MYH15: variants seen among roughly 807,000 people sequenced by gnomAD.
MYH15 encodes the protein myosin-15.
In MYH15, 227 loss-of-function variants were observed where a neutral mutation model predicts 240.5. That is an observed-to-expected ratio of 0.94 (90% confidence interval 0.85 to 1.05). The LOEUF is 1.05. Among genes scored for constraint, MYH15 ranks in the 50% least tolerant of loss-of-function variants. The probability of loss-of-function intolerance (pLI) is 0.00; values close to 1 mark genes in which losing one functional copy is unlikely to be tolerated. For synonymous variants in MYH15, 785 were observed against 796.7 expected, an observed-to-expected ratio of 0.99 and a Z score of 0.25; for missense variants, 2,217 against 2,247.5, an observed-to-expected ratio of 0.99 and a Z score of 0.27.
chr3:108,500,789 G>T (rs2083430807), intron 3 of MYH15, among the ~76,000 whole-genome samples: 1 of 152,174 alleles, frequency 6.6e-6, no homozygotes, highest in African/African-American at 2.4e-5. Flanking sequence ...GTAATTACAG[G>T]TTAAGGGTCT....
In MYH15 at chr3:108,492,515, G is replaced by A; in HGVS notation, c.856C>T (p.Gln286Ter). ...CTACACTTACCATGAAGCTCTTTTT[G>A]TCCAGATAGAATTTGATAGAATATG... is the stretch of plus-strand genomic sequence containing the variant. ...YHIFYQILSG[Q>*]KELHDLLLVS... Residue 286 changes from glutamine (Q) to a stop codon, truncating the protein, a stop_gained, in exon 9 of 41, where the codon CAA (glutamine) becomes TAA (stop). Coordinates refer to ENST00000693548, the MANE Select transcript of MYH15 (RefSeq NM_014981.3). LOFTEE classifies it high-confidence loss of function. The A allele has an allele frequency of 1.2e-6, 2 of 1,611,448 alleles. No homozygotes were observed. The highest frequency in any genetic ancestry group is 1.1e-5 in the South Asian group (1 of 90,796).
chr3:108,398,736 C>G lies in MYH15; in HGVS notation c.5034G>C (p.Glu1678Asp). Reference protein sequence around the residue: ...RRNSLLQSELEDLRSLQEQTE... With the variant: ...RRNSLLQSELDDLRSLQEQTE... ...TCTGCTCTTGCAGGGACCTTAGATC[C>G]TCTAGTTCAGACTGAAGAAGAGAGT... Residue 1678 changes from glutamate to aspartate, a missense_variant, in exon 35 of 41, where the codon GAG becomes GAC. Glu to Asp is a conservative substitution (Grantham distance 45, BLOSUM62 2). Transcript: ENST00000693548. The G allele has an allele frequency of 6.2e-7, 1 of 1,614,202 alleles. No homozygotes were observed. The highest frequency in any genetic ancestry group is 1.1e-5 in the South Asian group (1 of 91,082).
In MYH15 at chr3:108,507,244, T is replaced by C. The variant is rs375000110; in HGVS notation, c.89-1415A>G. ...GAAAATGAATATATATATATATATA[T>C]ATATATATATATATATATATATATA... On this transcript the variant is annotated intron_variant, in intron 1 of 40. Transcript: ENST00000693548. Among the ~76,000 whole-genome samples the C allele has an allele frequency of 1.2e-3, 77 of 64,888 alleles. 2 individuals carry two copies. The East Asian group carries it at 0.014, about 12-fold the overall frequency. 42.6% of individuals were successfully genotyped at this position (64,888 alleles called of 152,430 possible). A position where few individuals can be genotyped will look rare whatever the true frequency, so the allele number is the denominator to read the frequency against.
rs765078755 is a variant in MYH15 at position 108,403,168 on chromosome 3, C to A, written c.4736+2170G>T. On this transcript the variant is annotated intron_variant, in intron 33 of 40. Transcript: ENST00000693548. ...TACCAGCTGCTTGTACTTTTCACCC[C>A]CAACAGGCCTCCAGGCTGGGCTCAT... 3.3e-5 allele frequency among the ~76,000 whole-genome samples: 5 copies of A among 152,150 alleles called. No homozygotes were observed. In the South Asian group the frequency reaches 6.2e-4, roughly 19 times the overall value.
At chr3:108,405,850 C>G (rs1367033104) in intron 32 of MYH15, among the ~76,000 whole-genome samples, 1 of 152,134 alleles carries the variant, frequency 6.6e-6, no homozygotes. Context: ...TACCTGGAAT[C>G]TTCTATTAAA....
the MYH15 span, among the ~76,000 whole-genome samples, chr3:108,536,274 A>G: frequency 6.6e-6 from 1 of 152,168 alleles, no homozygotes; most frequent in African/African-American, 2.4e-5. Context: ...CAAAAAAACA[A>G]AACAAAACAA....
At chr3:108,466,628 T>C (rs1175855155) in intron 14 of MYH15, among the ~76,000 whole-genome samples, 1 of 152,184 alleles carries the variant, frequency 6.6e-6, no homozygotes, top group East Asian at 1.9e-4. Context: ...ACGGGTTTCA[T>C]TTCTCTATCA....
chr3:108,492,392 A>C lies in MYH15; in HGVS notation c.871+108T>G, dbSNP rs545757294. The C allele has an allele frequency of 4.0e-3, 2,388 of 598,572 alleles. 11 individuals are homozygous for C. The highest frequency in any genetic ancestry group is 4.7e-3 in the Non-Finnish European group (1,655 of 351,810). The allele number at this position is 598,572 out of a possible 1,614,324, so 37.1% of individuals were successfully genotyped here. A position where few individuals can be genotyped will look rare whatever the true frequency, so the allele number is the denominator to read the frequency against. On this transcript the variant is annotated intron_variant, in intron 9 of 40. Coordinates refer to ENST00000693548, the MANE Select transcript of MYH15 (RefSeq NM_014981.3). The stretch of plus-strand genomic sequence containing the variant: ...CTAAGTTTTAAGGATGAATATACTG[A>C]GGTCTAAATAGGCTAAGAAACTTAC...
intron 36 of MYH15, 90 bp downstream of exon 36, chr3:108,393,941 A>C: frequency 6.4e-7 from 1 of 1,559,672 alleles, no homozygotes; most frequent in Non-Finnish European, 8.8e-7. Flanking sequence ...TCAATGGAAT[A>C]CTTTTTGGCT....
chr3:108,449,674 C>CA (rs1394349253), intron 21 of MYH15, among the ~76,000 whole-genome samples: 1 of 151,716 alleles, frequency 6.6e-6, no homozygotes, highest in Admixed American at 6.6e-5. Flanking sequence ...TTGGTTTTGG[C>CA]AAATTTTTTT....
rs570359637 is a variant in MYH15 at position 108,427,635 on chromosome 3, C to CACAGAG, written c.3702+856_3702+857insCTCTGT. Among the ~76,000 whole-genome samples, 112 of 146,694 alleles carry CACAGAG rather than the reference C, an allele frequency of 7.6e-4. 3 individuals are homozygous for CACAGAG. In the South Asian group the frequency reaches 0.01, roughly 13 times the overall value. On this transcript the variant is annotated intron_variant, in intron 27 of 40. Coordinates refer to ENST00000693548, the MANE Select transcript of MYH15 (RefSeq NM_014981.3). ...CACACACAACACACACACACACACA[C>CACAGAG]AGAGAGAGAGAGAGAGAGAGAAAGA... is the stretch of plus-strand genomic sequence containing the variant.
chr3:108,540,491 A>G, the MYH15 span, among the ~76,000 whole-genome samples: 298 of 152,346 alleles, frequency 2.0e-3, no homozygotes, highest in African/African-American at 6.1e-3. Flanking sequence ...TAGTTACTGA[A>G]GCACAAACTA....
At chr3:108,397,045 C>T (rs193151247) in intron 35 of MYH15, among the ~76,000 whole-genome samples, 1 of 152,246 alleles carries the variant, frequency 6.6e-6, no homozygotes, top group Admixed American at 6.5e-5. Context: ...TTCTAAATGC[C>T]CCAGAGTGTA....
chr3:108,402,846 A>G (rs2082516524), intron 33 of MYH15, among the ~76,000 whole-genome samples: 1 of 152,180 alleles, frequency 6.6e-6, no homozygotes, highest in East Asian at 1.9e-4. Flanking sequence ...GTAGGGCTTG[A>G]CTAACATGGC....
At position 108,383,740 on chromosome 3, in the gene MYH15, A is replaced by AAAC. The variant is rs1560300909; in HGVS notation, c.5632-12_5632-11insGTT. 1.3e-5 allele frequency: 10 copies of AAAC among 771,590 alleles called. No individual in the cohort carries two copies. The highest frequency in any genetic ancestry group is 1.6e-5 in the Non-Finnish European group (9 of 567,702). The allele number at this position is 771,590 out of a possible 1,614,324, so 47.8% of individuals were successfully genotyped here. ...ATTGGCTTGTGTTTCCTATAAAAAT[A>AAAC]AAAAAAAAAAAAAAGAAATCTCCAT... On this transcript the variant is annotated splice_polypyrimidine_tract_variant and intron_variant, in intron 39 of 40. Transcript: ENST00000693548.
At chr3:108,387,925 G>A (rs1358470470) in intron 38 of MYH15, among the ~76,000 whole-genome samples, 1 of 152,218 alleles carries the variant, frequency 6.6e-6, no homozygotes, top group Admixed American at 6.5e-5. Context: ...CTGCTGCAAG[G>A]GAAGAAGACT....
In MYH15 at chr3:108,499,452, T is replaced by G; in HGVS notation, c.524+3A>C. On this transcript the variant is annotated splice_donor_region_variant and intron_variant, in intron 5 of 40. Transcript: ENST00000693548. ...AAAAAAGAAAAACAAGGCAAACACT[T>G]ACGTGAAGAGTATAGACTGATTTTC... 6.2e-7 allele frequency: 1 copy of G among 1,613,138 alleles called. No homozygotes were observed. Among genetic ancestry groups the G allele is most frequent in the South Asian group, 1.1e-5 (1 of 90,722 alleles).
At chr3:108,459,948 A>C (rs1195605704) in intron 17 of MYH15, among the ~76,000 whole-genome samples, 2 of 152,182 alleles carry the variant, frequency 1.3e-5, no homozygotes, top group Non-Finnish European at 2.9e-5. Context: ...GAATGCACCA[A>C]TTGCAGCATA....
intron 27 of MYH15, among the ~76,000 whole-genome samples, chr3:108,427,819 T>C (rs2082738395): frequency 6.6e-6 from 1 of 152,238 alleles, no homozygotes; most frequent in Admixed American, 6.5e-5. Context: ...CTTTCCCAGA[T>C]GACTTTATAA....
Sources: gnomAD v4.1 joint callset for allele counts (sites outside exome capture counted in the v4.1 genomes callset) on GRCh38, gnomAD v4.1.1 for gene constraint, MANE v1.5 for transcripts, NCBI Gene and HGNC (gene_info 2026-07-23, HGNC 2026-07-21) for gene names.